Variants in TP63 observed in about 807,000 individuals in gnomAD.
TP63 encodes the protein tumor protein p63.
A neutral mutation model predicts 82.8 loss-of-function variants in TP63; 17 were observed. The observed-to-expected ratio is 0.21, with a 90% CI of 0.14 to 0.31. TP63 has a LOEUF of 0.31. Among genes scored for constraint, TP63 ranks in the 10% least tolerant of loss-of-function variants. The pLI is 1.00. For synonymous variants in TP63, 330 were observed against 321.7 expected, an observed-to-expected ratio of 1.03 and a Z score of -0.28; for missense variants, 648 against 895.3, an observed-to-expected ratio of 0.72 and a Z score of 3.52.
intron 9 of TP63, among the ~76,000 whole-genome samples, chr3:189,869,621 G>T (rs1718166734): frequency 6.6e-6 from 1 of 152,038 alleles, no homozygotes; most frequent in African/African-American, 2.4e-5. Flanking sequence ...GTGCCCCTAT[G>T]GTCGGGTTCT....
chr3:189,732,082 G>T (rs1720211847), intron 1 of TP63, among the ~76,000 whole-genome samples: 1 of 151,792 alleles, frequency 6.6e-6, no homozygotes, highest in African/African-American at 2.4e-5. Flanking sequence ...CTGGACTTTT[G>T]TTCAGAACCC....
intron 4 of TP63, among the ~76,000 whole-genome samples, chr3:189,863,978 G>GAAATAATGGCAT (rs1234983321): frequency 2.0e-5 from 3 of 152,142 alleles, no homozygotes; most frequent in Non-Finnish European, 4.4e-5. Context: ...AAAATAACAG[G>GAAATAATGGCAT]AAATAATGGC....
chr3:189,839,717 A>G (rs771319853), intron 4 of TP63, among the ~76,000 whole-genome samples: 24 of 152,346 alleles, frequency 1.6e-4, no homozygotes, highest in Non-Finnish European at 2.6e-4. Context: ...GCTGCTGTTC[A>G]TCAGGCATTT....
intron 1 of TP63, among the ~76,000 whole-genome samples, chr3:189,663,817 T>A (rs1441981703): frequency 6.6e-6 from 1 of 152,046 alleles, no homozygotes; most frequent in Non-Finnish European, 1.5e-5. Flanking sequence ...CATGAGCCAC[T>A]GCACCTGACC....
chr3:189,603,717 C>T, the TP63 span, among the ~76,000 whole-genome samples: 2 of 141,074 alleles, frequency 1.4e-5, no homozygotes, highest in African/African-American at 5.2e-5. Context: ...TTCCTACCCT[C>T]TGACTTATTT....
chr3:189,820,731 CTAA>C (rs1013763728), intron 4 of TP63, among the ~76,000 whole-genome samples: 6 of 152,160 alleles, frequency 3.9e-5, no homozygotes, highest in Non-Finnish European at 8.8e-5. Context: ...ATATAAACTT[CTAA>C]TATGAGGAAG....
At position 189,648,473 on chromosome 3, in the gene TP63, T is replaced by C. The variant is rs1712608167; in HGVS notation, c.62+16896T>C. Among the ~76,000 whole-genome samples, 2 of 147,424 alleles carry C rather than the reference T, an allele frequency of 1.4e-5. 1 individual carries two copies. Among genetic ancestry groups the C allele is most frequent in the Admixed American group, 1.3e-4 (2 of 14,976 alleles). ...ACAGAGGTGCTCAGTCAATAACTAC[T>C]GACTGAATGAATTACGGAGAAATCA... On this transcript the variant is annotated intron_variant, in intron 1 of 13. Coordinates refer to ENST00000264731, the MANE Select transcript of TP63 (RefSeq NM_003722.5).
the TP63 span, among the ~76,000 whole-genome samples, chr3:189,609,699 A>G: frequency 4.5e-4 from 68 of 152,162 alleles, no homozygotes; most frequent in Non-Finnish European, 1.2e-4. Flanking sequence ...TGTTCATGCA[A>G]AAGACTTGAT....
the TP63 span, among the ~76,000 whole-genome samples, chr3:189,597,161 C>T: frequency 6.6e-6 from 1 of 152,110 alleles, no homozygotes; most frequent in Non-Finnish European, 1.5e-5. Context: ...TTCCGGACAC[C>T]CTATCAGAGA....
At chr3:189,805,605 G>T (rs182021904) in intron 3 of TP63, among the ~76,000 whole-genome samples, 55 of 152,358 alleles carry the variant, frequency 3.6e-4, no homozygotes, top group Non-Finnish European at 4.6e-4. Context: ...AACAGCCTGG[G>T]AGGCCTTCGG....
In TP63 at chr3:189,742,243, CA is replaced by C. The variant is rs140413709; in HGVS notation, c.324+3496del. ...GGGCAACAAGAGCAAAACTCCATCCCAAAAAAAAAAAAAAAAAAAAAAAAAA... is the reference window on the plus strand; with the variant it reads ...GGGCAACAAGAGCAAAACTCCATCCCAAAAAAAAAAAAAAAAAAAAAAAAA... On this transcript the variant is annotated intron_variant, in intron 3 of 13. Transcript: ENST00000264731. 4.5e-3 allele frequency among the ~76,000 whole-genome samples: 349 copies of C among 77,580 alleles called. 1 individual carries two copies. Among genetic ancestry groups the C allele is most frequent in the East Asian group, 5.5e-3 (15 of 2,708 alleles). The allele number at this position is 77,580 out of a possible 152,430, so 50.9% of individuals were successfully genotyped here. A position where few individuals can be genotyped will look rare whatever the true frequency, so the allele number is the denominator to read the frequency against.
the TP63 span, among the ~76,000 whole-genome samples, chr3:189,598,245 G>A: frequency 6.6e-6 from 1 of 150,924 alleles, no homozygotes; most frequent in Non-Finnish European, 1.5e-5. Flanking sequence ...TAGAGATGGA[G>A]AGGAGAGGAG....
At chr3:189,612,178 T>A in the TP63 span, among the ~76,000 whole-genome samples, 16 of 152,146 alleles carry the variant, frequency 1.1e-4, no homozygotes, top group African/African-American at 3.4e-4. Context: ...AGGACTGTGT[T>A]CCTTTGGGAA....
chr3:189,845,066 A>G (rs942129138), intron 4 of TP63, among the ~76,000 whole-genome samples: 1 of 152,224 alleles, frequency 6.6e-6, no homozygotes, highest in Non-Finnish European at 1.5e-5. Flanking sequence ...TATAAAAAGA[A>G]AAAAAATTAA....
intron 3 of TP63, among the ~76,000 whole-genome samples, chr3:189,769,848 C>A (rs565713073): frequency 1.9e-4 from 29 of 151,742 alleles, no homozygotes; most frequent in Admixed American, 7.2e-4. Context: ...ATTATCTTAT[C>A]CTATTTGACT....
chr3:189,764,293 A>G (rs1161467064), intron 3 of TP63, among the ~76,000 whole-genome samples: 1 of 152,226 alleles, frequency 6.6e-6, no homozygotes, highest in Non-Finnish European at 1.5e-5. Flanking sequence ...CGAGGAATAC[A>G]GGTGCATATC....
At chr3:189,756,654 G>A (rs1722212671) in intron 3 of TP63, among the ~76,000 whole-genome samples, 1 of 152,150 alleles carries the variant, frequency 6.6e-6, no homozygotes, top group Non-Finnish European at 1.5e-5. Flanking sequence ...GTATGCACTG[G>A]CAGAGAATTT....
rs1418655608 is a variant in TP63 at position 189,791,156 on chromosome 3, G to A, written c.325-17116G>A. Among the ~76,000 whole-genome samples, 3 of 152,158 alleles carry A rather than the reference G, an allele frequency of 2.0e-5. No individual in the cohort carries two copies. In the East Asian group the frequency reaches 5.8e-4, roughly 29 times the overall value. ...TCTTGATTCTATTGGATCCAATTTT[G>A]TCCAGTTTTAATCATTCAGAAAATG... On this transcript the variant is annotated intron_variant, in intron 3 of 13. Coordinates refer to ENST00000264731, the MANE Select transcript of TP63 (RefSeq NM_003722.5).
intron 1 of TP63, among the ~76,000 whole-genome samples, chr3:189,722,532 A>G (rs1039156125): frequency 6.6e-6 from 1 of 152,188 alleles, no homozygotes; most frequent in African/African-American, 2.4e-5. Context: ...GGACTTGCCC[A>G]AGATCCCAGC....
Sources: allele counts gnomAD v4.1 joint callset (sites outside exome capture counted in the v4.1 genomes callset), GRCh38; gene constraint gnomAD v4.1.1; transcripts MANE v1.5; gene names NCBI Gene and HGNC (gene_info 2026-07-23, HGNC 2026-07-21).